Variants in TBC1D2 observed in about 807,000 individuals in gnomAD.
The protein encoded by TBC1D2 is TBC1 domain family member 2, also known as TBC1 domain family member 2A.
In TBC1D2, 58 loss-of-function variants were observed where a neutral mutation model predicts 91.1. That is an observed-to-expected ratio of 0.64 (90% CI 0.52 to 0.79). The LOEUF is 0.79. Ranked by LOEUF, TBC1D2 falls within the 30% of genes least tolerant of loss-of-function variation. The pLI is 0.00. For synonymous variants in TBC1D2, 482 were observed against 511.5 expected (o/e 0.94, Z 0.78); for missense variants, 1,080 against 1,208.3 (o/e 0.89, Z 1.57).
intron 2 of TBC1D2, among the ~76,000 whole-genome samples, chr9:98,250,489 A>G (rs1829849952): frequency 6.6e-6 from 1 of 152,092 alleles, no homozygotes; most frequent in South Asian, 2.1e-4. Context: ...GGTCTGATGT[A>G]TGGGTCAGAG....
intron 9 of TBC1D2, among the ~76,000 whole-genome samples, chr9:98,206,192 G>A (rs960692674): frequency 5.9e-5 from 9 of 151,976 alleles, no homozygotes; most frequent in Admixed American, 6.5e-5. Context: ...TTTTGACCTC[G>A]TGATCTGCCT....
chr9:98,236,093 A>G (rs1052684520), intron 3 of TBC1D2, among the ~76,000 whole-genome samples: 1 of 152,134 alleles, frequency 6.6e-6, no homozygotes, highest in Admixed American at 6.6e-5. Flanking sequence ...CATACAAAAC[A>G]TACACATATC....
intron 2 of TBC1D2, among the ~76,000 whole-genome samples, chr9:98,244,815 A>T (rs1215617877): frequency 1.3e-5 from 2 of 152,176 alleles, no homozygotes; most frequent in Non-Finnish European, 2.9e-5. Flanking sequence ...AGATCTAAAA[A>T]CTTGGGAATA....
intron 8 of TBC1D2, among the ~76,000 whole-genome samples, chr9:98,209,990 C>CTTT (rs756153569): frequency 1.4e-5 from 2 of 140,666 alleles, no homozygotes. Flanking sequence ...CACCACTCTT[C>CTTT]TTTTTTTTTT....
chr9:98,208,088 CA>C (rs557799244), intron 9 of TBC1D2, among the ~76,000 whole-genome samples: 1 of 152,132 alleles, frequency 6.6e-6, no homozygotes, highest in Non-Finnish European at 1.5e-5. Context: ...TAGATTCCAG[CA>C]GGCCAAAGTT....
In TBC1D2 at chr9:98,208,988, G is replaced by A. The variant is rs145428012; in HGVS notation, c.1830C>T (p.Gly610=). ...TGAGCTCGGCTGAGGGCACAAGATC[G>A]CCCAGGGCAGCCCAGCGCTCCCTCA... ...RPLRERWAAL[G]DLVPSAELKQ... Residue 610 remains glycine (G), a synonymous_variant, in exon 9 of 13, where the codon GGC becomes GGT. Transcript: ENST00000465784. The A allele has an allele frequency of 7.2e-5, 116 of 1,614,064 alleles. No individual in the cohort carries two copies. The East Asian group carries it at 1.7e-3, about 23-fold the overall frequency.
intron 10 of TBC1D2, 104 bp from the exon 11 acceptor site, chr9:98,201,768 T>G (rs1265432274): frequency 1.6e-6 from 2 of 1,229,350 alleles, no homozygotes; most frequent in Non-Finnish European, 2.2e-6. Context: ...ATCCTGAAGC[T>G]GCTCTGGGCA....
In TBC1D2 at chr9:98,210,644, C is replaced by A; in HGVS notation, c.1673+12G>T. On this transcript the variant is annotated intron_variant, in intron 8 of 12. Transcript: ENST00000465784. ...TCACATAGACCAGCCCTTCCTGGGC[C>A]GCCAGGCTCACCTGATGGGGCTCAG... 1 of 1,569,002 alleles carries A rather than the reference C, an allele frequency of 6.4e-7. No individual in the cohort carries two copies. The highest frequency in any genetic ancestry group is 8.7e-7 in the Non-Finnish European group (1 of 1,154,898).
chr9:98,245,550 G>A (rs1829747030), intron 2 of TBC1D2, among the ~76,000 whole-genome samples: 1 of 151,996 alleles, frequency 6.6e-6, no homozygotes, highest in Non-Finnish European at 1.5e-5. Flanking sequence ...CTGGGCAACA[G>A]AGTAAGACCC....
chr9:98,246,191 A>T (rs1194234933), intron 2 of TBC1D2, among the ~76,000 whole-genome samples: 2 of 152,234 alleles, frequency 1.3e-5, no homozygotes, highest in Non-Finnish European at 2.9e-5. Context: ...ACAGCCCCTG[A>T]GACCTACCAG....
rs1829088293 is a variant in TBC1D2 at position 98,221,079 on chromosome 9, C to T, written c.1128G>A (p.Val376=). Residue 376 remains valine (V), a synonymous_variant, in exon 6 of 13, where the codon GTG becomes GTA. Coordinates refer to ENST00000465784, the MANE Select transcript of TBC1D2 (RefSeq NM_001267571.2). ...VRQIAELGRR[V]EALEQERESL... ...TCTCCCGCTCCTGCTCCAGGGCCTC[C>T]ACCCGCCGGCCCAGCTCCGCGATCT... 4.4e-6 allele frequency: 7 copies of T among 1,597,062 alleles called. No individual in the cohort carries two copies. In the East Asian group the frequency reaches 1.4e-4, roughly 31 times the overall value.
intron 6 of TBC1D2, among the ~76,000 whole-genome samples, chr9:98,215,111 G>A (rs890111804): frequency 6.6e-6 from 1 of 152,098 alleles, no homozygotes; most frequent in East Asian, 1.9e-4. Context: ...TGCTGTGTGC[G>A]CCAGCCGCTC....
chr9:98,208,121 C>G (rs1828704543), intron 9 of TBC1D2, among the ~76,000 whole-genome samples: 3 of 152,150 alleles, frequency 2.0e-5, no homozygotes, highest in African/African-American at 7.2e-5. Flanking sequence ...GTAAGTTGTA[C>G]GTCCCCAAGC....
chr9:98,226,091 T>C (rs1018316770), intron 5 of TBC1D2, among the ~76,000 whole-genome samples: 2 of 152,234 alleles, frequency 1.3e-5, no homozygotes, highest in African/African-American at 4.8e-5. Flanking sequence ...AGCGGCATTC[T>C]GAGTGCCTGG....
chr9:98,227,395 A>C (rs1028192067), intron 5 of TBC1D2, among the ~76,000 whole-genome samples: 2 of 152,208 alleles, frequency 1.3e-5, no homozygotes, highest in African/African-American at 4.8e-5. Flanking sequence ...CACATGAGTT[A>C]AGAACGTATG....
chr9:98,237,601 G>T (rs1296867171), intron 3 of TBC1D2, among the ~76,000 whole-genome samples: 1 of 151,284 alleles, frequency 6.6e-6, no homozygotes, highest in Non-Finnish European at 1.5e-5. Flanking sequence ...CCACCTCCCA[G>T]ATTCAAGCGA....
In TBC1D2 at chr9:98,212,506, CTT is replaced by C. The variant is rs35946860; in HGVS notation, c.1485+600_1485+601del. The stretch of plus-strand genomic sequence containing the variant: ...AAGAATCCCACAAGTCCAAGTGCAT[CTT>C]TTTTTTTTTTTGAGACAGAGTCTTG... On this transcript the variant is annotated intron_variant, in intron 7 of 12. Transcript: ENST00000465784. Among the ~76,000 whole-genome samples, 1,252 of 146,234 alleles carry C rather than the reference CTT, an allele frequency of 8.6e-3. 21 individuals carry two copies. The highest frequency in any genetic ancestry group is 0.029 in the African/African-American group (1,145 of 39,924).
At chr9:98,201,758 A>C in intron 10 of TBC1D2, 94 bp from the exon 11 acceptor site, 15 of 1,274,538 alleles carry the variant, frequency 1.2e-5, no homozygotes, top group Non-Finnish European at 1.5e-5. Flanking sequence ...TCCACACACA[A>C]TCCTGAAGCT....
In TBC1D2 at chr9:98,199,657, G is replaced by C. The variant is rs536702554; in HGVS notation, c.2580-69C>G. Reference sequence around the variant, plus strand: ...GGCCGGCGTTTACCCGGCTCTCCCAGACAGACATCCCCGCATTCCTTCTGC... The same window carrying C: ...GGCCGGCGTTTACCCGGCTCTCCCACACAGACATCCCCGCATTCCTTCTGC... On this transcript the variant is annotated intron_variant, in intron 12 of 12. Transcript: ENST00000465784. 5.2e-6 allele frequency: 8 copies of C among 1,530,728 alleles called. No individual in the cohort carries two copies. In the African/African-American group the frequency reaches 1.1e-4, roughly 21 times the overall value. 94.8% of individuals were successfully genotyped at this position (1,530,728 alleles called of 1,614,324 possible).
Sources: gnomAD v4.1 joint callset for allele counts (sites outside exome capture counted in the v4.1 genomes callset) on GRCh38, gnomAD v4.1.1 for gene constraint, MANE v1.5 for transcripts, NCBI Gene and HGNC (gene_info 2026-07-23, HGNC 2026-07-21) for gene names.